The following ATOSA variants were observed in gnomAD, a reference collection of about 807,000 sequenced individuals.
The protein encoded by ATOSA is atos homolog A.
At chr15:52,645,857 A>C in the ATOSA span, among the ~76,000 whole-genome samples, 3 of 152,324 alleles carry the variant, frequency 2.0e-5, no homozygotes, top group East Asian at 5.8e-4. Flanking sequence ...CATTGTAACA[A>C]AAGGAAACAA....
chr15:52,584,666 G>C, the ATOSA span: 1 of 1,219,252 alleles, frequency 8.2e-7, no homozygotes, highest in Non-Finnish European at 1.1e-6. Flanking sequence ...GGTCTAGTTA[G>C]AGTCACAGTT....
chr15:52,683,466 A>G, the ATOSA span, among the ~76,000 whole-genome samples: 1 of 152,234 alleles, frequency 6.6e-6, no homozygotes, highest in Non-Finnish European at 1.5e-5. Flanking sequence ...ATATACACTT[A>G]GGCTTAGTGC....
At chr15:52,667,075 G>A in the ATOSA span, among the ~76,000 whole-genome samples, 1 of 152,242 alleles carries the variant, frequency 6.6e-6, no homozygotes, top group Admixed American at 6.5e-5. Context: ...TAGACTGCAG[G>A]GAACCTTGGA....
the ATOSA span, among the ~76,000 whole-genome samples, chr15:52,614,136 ATTCT>A: frequency 6.6e-6 from 1 of 151,934 alleles, no homozygotes; most frequent in East Asian, 1.9e-4. Flanking sequence ...ACAGAGTTTC[ATTCT>A]TTTTGTCCAG....
the ATOSA span, among the ~76,000 whole-genome samples, chr15:52,659,530 G>A: frequency 6.6e-6 from 1 of 152,102 alleles, no homozygotes; most frequent in Non-Finnish European, 1.5e-5. Flanking sequence ...CAAGTGTTTT[G>A]TACTAAATCA....
chr15:52,605,169 A>G, the ATOSA span: 2 of 1,610,800 alleles, frequency 1.2e-6, no homozygotes, highest in Non-Finnish European at 1.7e-6. Flanking sequence ...TTTGAGGATG[A>G]AAGGCTCTGG....
chr15:52,609,547 G>A, the ATOSA span: 1 of 1,613,702 alleles, frequency 6.2e-7, no homozygotes, highest in Non-Finnish European at 8.5e-7. Context: ...AGAAATACAA[G>A]TTTCACTTCG....
At chr15:52,652,926 T>G in the ATOSA span, among the ~76,000 whole-genome samples, 1 of 152,188 alleles carries the variant, frequency 6.6e-6, no homozygotes, top group Admixed American at 6.5e-5. Flanking sequence ...CAAAGCTGTT[T>G]GGGAGAATCA....
the ATOSA span, among the ~76,000 whole-genome samples, chr15:52,612,887 T>C: frequency 1.3e-5 from 2 of 151,662 alleles, no homozygotes; most frequent in Non-Finnish European, 2.9e-5. Flanking sequence ...TTAAAGCAAA[T>C]TATATGCTAC....
chr15:52,641,408 A>G, the ATOSA span, among the ~76,000 whole-genome samples: 1 of 152,254 alleles, frequency 6.6e-6, no homozygotes, highest in African/African-American at 2.4e-5. Context: ...TGATCAGCCC[A>G]AGAGAAGCTT....
the ATOSA span, among the ~76,000 whole-genome samples, chr15:52,702,606 G>T: frequency 2.0e-5 from 3 of 151,966 alleles, no homozygotes; most frequent in African/African-American, 7.3e-5. Flanking sequence ...GGGAACTACT[G>T]GGGGCAGGGA....
At chr15:52,653,499 T>C in the ATOSA span, among the ~76,000 whole-genome samples, 1 of 152,104 alleles carries the variant, frequency 6.6e-6, no homozygotes, top group Non-Finnish European at 1.5e-5. Context: ...CAAGACGTGC[T>C]TGGAAACACA....
At chr15:52,665,396 T>A in the ATOSA span, among the ~76,000 whole-genome samples, 1 of 152,208 alleles carries the variant, frequency 6.6e-6, no homozygotes, top group Non-Finnish European at 1.5e-5. Context: ...AGATAGTAAT[T>A]AGTCATTTTC....
At chr15:52,699,558 C>T in the ATOSA span, among the ~76,000 whole-genome samples, 2 of 151,776 alleles carry the variant, frequency 1.3e-5, no homozygotes, top group Non-Finnish European at 2.9e-5. Flanking sequence ...TTCACCCTCC[C>T]GTTTCACTCT....
chr15:52,690,931 G>T, the ATOSA span, among the ~76,000 whole-genome samples: 1 of 152,206 alleles, frequency 6.6e-6, no homozygotes, highest in Non-Finnish European at 1.5e-5. Context: ...TCAAGGAATT[G>T]ACATTGATGC....
chr15:52,634,422 C>G, the ATOSA span, among the ~76,000 whole-genome samples: 1 of 151,748 alleles, frequency 6.6e-6, no homozygotes, highest in African/African-American at 2.4e-5. Context: ...AAAAAGGCAC[C>G]AAGAAAGATG....
chr15:52,613,921 C>A, the ATOSA span: 2 of 1,339,748 alleles, frequency 1.5e-6, no homozygotes, highest in South Asian at 1.2e-5. Flanking sequence ...CTCATCTGGT[C>A]TGCCTAAAAT....
At chr15:52,635,049 T>C in the ATOSA span, among the ~76,000 whole-genome samples, 1 of 152,218 alleles carries the variant, frequency 6.6e-6, no homozygotes, top group Non-Finnish European at 1.5e-5. Flanking sequence ...ATATTGCTAG[T>C]GATGAGGTCT....
chr15:52,602,341 A>G, the ATOSA span, among the ~76,000 whole-genome samples: 1 of 152,166 alleles, frequency 6.6e-6, no homozygotes, highest in Admixed American at 6.5e-5. Flanking sequence ...AGAATACTTT[A>G]AACAGTTATT....
Sources: allele counts gnomAD v4.1 joint callset (sites outside exome capture counted in the v4.1 genomes callset), GRCh38; gene constraint gnomAD v4.1.1; transcripts MANE v1.5; gene names NCBI Gene and HGNC (gene_info 2026-07-23, HGNC 2026-07-21).